The following OCA2 variants were observed in gnomAD, a reference collection of about 807,000 sequenced individuals.
OCA2 encodes P protein.
A neutral mutation model predicts 100.2 loss-of-function variants in OCA2; 77 were observed. That is an observed-to-expected ratio of 0.77 (90% CI 0.64 to 0.93). OCA2 has a LOEUF of 0.93. OCA2 is among the 40% of genes least tolerant of loss of function. The pLI, the probability that OCA2 is intolerant of heterozygous loss-of-function variation, is 0.00. For synonymous variants in OCA2, 432 were observed against 439.2 expected (o/e 0.98, Z 0.21); for missense variants, 1,062 against 1,089.1 (o/e 0.98, Z 0.35).
chr15:27,728,724 T>C, the OCA2 span, among the ~76,000 whole-genome samples: 1 of 152,174 alleles, frequency 6.6e-6, no homozygotes, highest in African/African-American at 2.4e-5. Context: ...GGCTCTCTGG[T>C]TCCAGGACAT....
chr15:27,967,693 C>T (rs577429232), intron 14 of OCA2, among the ~76,000 whole-genome samples: 1 of 152,360 alleles, frequency 6.6e-6, no homozygotes, highest in Admixed American at 6.5e-5. Context: ...GGGACTCAAG[C>T]AGGAACCTCT....
intron 2 of OCA2, among the ~76,000 whole-genome samples, chr15:28,049,953 A>G (rs772835689): frequency 4.6e-5 from 7 of 152,228 alleles, no homozygotes; most frequent in Non-Finnish European, 1.0e-4. Flanking sequence ...ATGGTAGATT[A>G]TATGATATAT....
At chr15:27,738,678 T>C in the OCA2 span, among the ~76,000 whole-genome samples, 13,279 of 148,022 alleles carry the variant, frequency 0.09, 1,374 homozygotes, top group African/African-American at 0.26. Context: ...GAGCTTGCAG[T>C]GAGCCGAGAT....
chr15:27,784,618 A>G (rs2151100516), intron 23 of OCA2, among the ~76,000 whole-genome samples: 1 of 152,332 alleles, frequency 6.6e-6, no homozygotes, highest in Middle Eastern at 3.4e-3. Context: ...TACAAAATCA[A>G]ATGAGTATTT....
chr15:28,034,528 C>T (rs2042993438), intron 2 of OCA2, among the ~76,000 whole-genome samples: 1 of 152,128 alleles, frequency 6.6e-6, no homozygotes, highest in African/African-American at 2.4e-5. Flanking sequence ...GTAATCTCAG[C>T]ACTTTGGGAG....
intron 19 of OCA2, chr15:27,896,315 G>T: frequency 1.1e-6 from 1 of 911,452 alleles, no homozygotes; most frequent in Non-Finnish European, 1.8e-6. Context: ...CAGATTACAT[G>T]TGCTACTTAA....
intron 2 of OCA2, among the ~76,000 whole-genome samples, chr15:28,055,125 G>A (rs753394369): frequency 3.3e-5 from 5 of 152,264 alleles, no homozygotes; most frequent in Non-Finnish European, 7.4e-5. Flanking sequence ...GTCCACTTTC[G>A]TAACATGGGT....
chr15:27,902,939 G>A (rs1041177668), intron 19 of OCA2, among the ~76,000 whole-genome samples: 4 of 152,212 alleles, frequency 2.6e-5, no homozygotes, highest in African/African-American at 9.6e-5. Flanking sequence ...TGGCTGGGCG[G>A]CCTGCAGAGC....
At chr15:27,781,914 T>A (rs189037631) in intron 23 of OCA2, among the ~76,000 whole-genome samples, 1 of 152,382 alleles carries the variant, frequency 6.6e-6, no homozygotes, top group Non-Finnish European at 1.5e-5. Context: ...AGCGATCTGC[T>A]GGAGTTAACT....
intron 19 of OCA2, among the ~76,000 whole-genome samples, chr15:27,879,470 C>T (rs546128287): frequency 1.2e-4 from 19 of 152,250 alleles, no homozygotes; most frequent in African/African-American, 4.3e-4. Context: ...AGATTTACAC[C>T]AACAGTGTAA....
intron 23 of OCA2, among the ~76,000 whole-genome samples, chr15:27,784,714 T>G (rs1257452276): frequency 6.6e-6 from 1 of 152,104 alleles, no homozygotes; most frequent in African/African-American, 2.4e-5. Context: ...TTTGACCGGC[T>G]CACTATAGGC....
intron 14 of OCA2, among the ~76,000 whole-genome samples, chr15:27,980,713 C>T (rs2041132349): frequency 6.6e-6 from 1 of 152,228 alleles, no homozygotes; most frequent in East Asian, 1.9e-4. Flanking sequence ...CCGTTGCCTT[C>T]ACACGTGCAT....
At chr15:27,803,697 C>G (rs1305371850) in intron 23 of OCA2, among the ~76,000 whole-genome samples, 7 of 152,124 alleles carry the variant, frequency 4.6e-5, no homozygotes. Context: ...GTACTTAATG[C>G]CACTGAACTG....
chr15:27,768,364 C>A (rs569651443), intron 23 of OCA2, among the ~76,000 whole-genome samples: 1 of 152,166 alleles, frequency 6.6e-6, no homozygotes, highest in Non-Finnish European at 1.5e-5. Context: ...TTCAGTCACA[C>A]GCCGTCACTC....
intron 23 of OCA2, among the ~76,000 whole-genome samples, chr15:27,797,064 G>A (rs2151155909): frequency 6.6e-6 from 1 of 152,278 alleles, no homozygotes; most frequent in East Asian, 1.9e-4. Flanking sequence ...AGCCTCACTG[G>A]GGTCCCCTGC....
chr15:27,764,139 GAGAGGGATACAGAA>G (rs2031067794), intron 23 of OCA2, among the ~76,000 whole-genome samples: 1 of 151,420 alleles, frequency 6.6e-6, no homozygotes, highest in African/African-American at 2.4e-5. Flanking sequence ...AGAGGGATCA[GAGAGGGATACAGAA>G]AGAGGGAGGA....
chr15:28,060,650 T>C (rs1184048994), intron 2 of OCA2, among the ~76,000 whole-genome samples: 3 of 152,308 alleles, frequency 2.0e-5, no homozygotes, highest in Non-Finnish European at 4.4e-5. Flanking sequence ...AACAAAAGTA[T>C]AAAACAATCC....
chr15:27,858,070 T>C (rs1160341823), intron 21 of OCA2, among the ~76,000 whole-genome samples: 6 of 151,224 alleles, frequency 4.0e-5, no homozygotes, highest in Admixed American at 3.3e-4. Flanking sequence ...AAATCTAAGA[T>C]ATGCAGAAAA....
At chr15:27,721,547 T>G in the OCA2 span, among the ~76,000 whole-genome samples, 1 of 152,210 alleles carries the variant, frequency 6.6e-6, no homozygotes, top group Admixed American at 6.5e-5. Context: ...TTCACTGTAA[T>G]GAAAGTTAAA....
Sources: allele counts gnomAD v4.1 joint callset (sites outside exome capture counted in the v4.1 genomes callset), GRCh38; gene constraint gnomAD v4.1.1; transcripts MANE v1.5; gene names NCBI Gene and HGNC (gene_info 2026-07-23, HGNC 2026-07-21).